Variants in KIF18B observed in about 807,000 individuals in gnomAD.
The protein encoded by KIF18B is kinesin family member 18B, also known as kinesin-like protein KIF18B.
In KIF18B, 49 loss-of-function variants were observed where a neutral mutation model predicts 80.9. The observed-to-expected ratio is 0.61, with a 90% CI of 0.48 to 0.77. The LOEUF is 0.77. Ranked by LOEUF, KIF18B falls within the 30% of genes least tolerant of loss-of-function variation. The pLI is 0.00. For synonymous variants in KIF18B, 439 were observed against 463.9 expected (o/e 0.95, Z 0.69); for missense variants, 994 against 1,127.7 (o/e 0.88, Z 1.70).
intron 1 of KIF18B, among the ~76,000 whole-genome samples, chr17:44,944,407 T>TA (rs1301250549): frequency 6.6e-6 from 1 of 151,990 alleles, no homozygotes; most frequent in Admixed American, 6.6e-5. Context: ...CATGCCCGGC[T>TA]ATTTTTTGTA....
chr17:44,936,555 ACTCTCTCTCTCTCT>A lies in KIF18B; in HGVS notation c.-14-211_-14-198del, dbSNP rs59137224. ...ATACCATCTTTGTCATACTCAAATG[ACTCTCTCTCTCTCT>A]CTCTCTCTCTCTCTCTCTCTCTCTC... On this transcript the variant is annotated intron_variant, in intron 1 of 15. Transcript: ENST00000593135. Among the ~76,000 whole-genome samples, 239 of 37,172 alleles carry A rather than the reference ACTCTCTCTCTCTCT, an allele frequency of 6.4e-3. 5 individuals carry two copies. Among genetic ancestry groups the A allele is most frequent in the Admixed American group, 0.016 (33 of 2,088 alleles). 24.4% of individuals were successfully genotyped at this position (37,172 alleles called of 152,430 possible).
At position 44,934,479 on chromosome 17, in the gene KIF18B, G is replaced by C. The variant is rs145667760; in HGVS notation, c.687+28C>G. 6.2e-7 allele frequency: 1 copy of C among 1,606,502 alleles called. No individual in the cohort carries two copies. The highest frequency in any genetic ancestry group is 1.3e-5 in the African/African-American group (1 of 74,826). On this transcript the variant is annotated intron_variant, in intron 5 of 15. Transcript: ENST00000593135. This position sits in a 1 kb window ranked among gnomAD's most constrained non-coding sequence, Gnocchi z 5.4. Reference sequence around the variant, plus strand: ...GGGGGAGATGGGCATCAGGGGCACTGGTTTCAGGCTCTGACCCATGACCTC... The same window carrying C: ...GGGGGAGATGGGCATCAGGGGCACTCGTTTCAGGCTCTGACCCATGACCTC...
intron 1 of KIF18B, among the ~76,000 whole-genome samples, chr17:44,943,392 G>A (rs979810586): frequency 1.4e-4 from 22 of 152,050 alleles, no homozygotes; most frequent in African/African-American, 4.3e-4. Context: ...GAGCCACCGC[G>A]CCTGGCCTCT....
intron 2 of KIF18B, among the ~76,000 whole-genome samples, chr17:44,935,769 C>T (rs567156042): frequency 2.0e-5 from 3 of 152,246 alleles, no homozygotes; most frequent in East Asian, 1.9e-4. Flanking sequence ...GTGTCTTCTC[C>T]CCTCTAGACT....
At position 44,926,086 on chromosome 17, in the gene KIF18B, C is replaced by A; in HGVS notation, c.2553G>T (p.Val851=). The A allele has an allele frequency of 3.1e-6, 5 of 1,613,902 alleles. No individual in the cohort carries two copies. Among genetic ancestry groups the A allele is most frequent in the Non-Finnish European group, 4.2e-6 (5 of 1,179,878 alleles). ...ALSAGNGVTK[V]S ...GGTCAGGACATTCTGGCGGTCAGGA[C>A]ACCTTGGTGACGCCGTTCCCTGCTG... is the stretch of plus-strand genomic sequence containing the variant. Residue 851 remains valine (V), a synonymous_variant, in exon 16 of 16, where the codon GTG becomes GTT. Coordinates refer to ENST00000593135, the MANE Select transcript of KIF18B (RefSeq NM_001265577.2).
In KIF18B at chr17:44,932,981, CTTCAGCTGAGATGGGG is replaced by C; in HGVS notation, c.1063-11_1067del. 1 of 1,605,138 alleles carries C rather than the reference CTTCAGCTGAGATGGGG, an allele frequency of 6.2e-7. No homozygotes were observed. The highest frequency in any genetic ancestry group is 8.5e-7 in the Non-Finnish European group (1 of 1,172,674). ...GACAGTCCAGGCTGGTCACATTGCT[CTTCAGCTGAGATGGGG>C]AACAGGAGAGAGATTTATTTGTTCA... On this transcript the variant is annotated splice_acceptor_variant and splice_polypyrimidine_tract_variant and coding_sequence_variant and intron_variant, in exon 8 of 16. Coordinates refer to ENST00000593135, the MANE Select transcript of KIF18B (RefSeq NM_001265577.2). LOFTEE classifies it high-confidence loss of function.
At position 44,935,218 on chromosome 17, in the gene KIF18B, G is replaced by T. The variant is rs761128899; in HGVS notation, c.471+41C>A. 1.9e-6 allele frequency: 3 copies of T among 1,541,166 alleles called. No individual in the cohort carries two copies. The African/African-American group carries it at 4.1e-5, about 21-fold the overall frequency. On this transcript the variant is annotated intron_variant, in intron 3 of 15. Transcript: ENST00000593135. ...CCACCCCATGGGCTCACTTCCCCCC[G>T]GGTGGTTGTGAGAACAAGGCCCAGG...
intron 14 of KIF18B, among the ~76,000 whole-genome samples, 174 bp downstream of exon 14, chr17:44,926,815 G>A (rs1177292955): frequency 2.0e-5 from 3 of 152,174 alleles, no homozygotes; most frequent in Non-Finnish European, 4.4e-5. Flanking sequence ...GATAGCAAGG[G>A]CCAAGGAAAC....
chr17:44,936,138 C>G lies in KIF18B; in HGVS notation c.207G>C (p.Thr69=), dbSNP rs371368321. The G allele has an allele frequency of 1.2e-6, 2 of 1,613,798 alleles. No homozygotes were observed. The highest frequency in any genetic ancestry group is 1.7e-6 in the Non-Finnish European group (2 of 1,179,866). Residue 69 remains threonine, a synonymous_variant, in exon 2 of 16, where the codon ACG becomes ACC. Coordinates refer to ENST00000593135, the MANE Select transcript of KIF18B (RefSeq NM_001265577.2). ...CGCCAAAGACCCGGTCAAAGACAAA[C>G]GTCAGGTCTTTGCCCTTCTTCTTGG... ...DGPKKKGKDL[T]FVFDRVFGEA...
In KIF18B at chr17:44,926,511, AAGG is replaced by A; in HGVS notation, c.2367-15_2367-13del. The A allele has an allele frequency of 6.4e-7, 1 of 1,574,292 alleles. No individual in the cohort carries two copies. The highest frequency in any genetic ancestry group is 8.6e-7 in the Non-Finnish European group (1 of 1,162,560). On this transcript the variant is annotated splice_polypyrimidine_tract_variant and intron_variant, in intron 14 of 15. Coordinates refer to ENST00000593135, the MANE Select transcript of KIF18B (RefSeq NM_001265577.2). ...GGGAGACTGAGGAACTGAGGGAGGA[AAGG>A]AGGGAAGGTGGAAGGTTACGGCCCT... is the stretch of plus-strand genomic sequence containing the variant.
At chr17:44,931,029 C>A (rs1455048381) in intron 11 of KIF18B, among the ~76,000 whole-genome samples, 1 of 152,044 alleles carries the variant, frequency 6.6e-6, no homozygotes, top group African/African-American at 2.4e-5. Context: ...AGTAACAGAG[C>A]TAAGTGGCAG....
At chr17:44,935,128 G>T in intron 3 of KIF18B, 131 bp downstream of exon 3, 1 of 1,008,288 alleles carries the variant, frequency 9.9e-7, no homozygotes, top group Non-Finnish European at 1.4e-6. Context: ...TCACTGAGCA[G>T]TATCTATCTC....
At position 44,934,580 on chromosome 17, in the gene KIF18B, CT is replaced by C; in HGVS notation, c.613del (p.Arg205GlyfsTer28). On this transcript the variant is annotated frameshift_variant, in exon 5 of 16. Transcript: ENST00000593135. LOFTEE classifies it high-confidence loss of function. This position sits in a 1 kb window ranked among gnomAD's most constrained non-coding sequence, Gnocchi z 5.4. ...GTGCTGCGTGCGGTTACGGTTCCCC[CT>C]GGTCAGTATCTCCAGCAGCTGCTCG... ...SAEQLLEILT[R>X]GNRNRTQHPT... The C allele has an allele frequency of 5.0e-6, 8 of 1,612,296 alleles. No individual in the cohort carries two copies. The highest frequency in any genetic ancestry group is 1.1e-5 in the South Asian group (1 of 90,700).
chr17:44,936,618 ATATATATTTTTTTTTTTT>A (rs2052312100), intron 1 of KIF18B, among the ~76,000 whole-genome samples: 8 of 72,752 alleles, frequency 1.1e-4, no homozygotes, highest in South Asian at 4.9e-4. Context: ...ATATATATAT[ATATATATTTTTTTTTTTT>A]TTTTTTTTTT....
Position 44,925,609 on chromosome 17 carries a change from CCT to C in KIF18B, c.*469_*470del, listed in dbSNP as rs889191861. On this transcript the variant is annotated 3_prime_UTR_variant, in exon 16 of 16. Transcript: ENST00000593135. ...CAGCCTGGCCAACATGGAAAAACCC[CCT>C]CTCTATTAAAAAGACGAAAATTAGC... The C allele has an allele frequency of 8.9e-5, 18 of 201,278 alleles. No individual in the cohort carries two copies. In the Admixed American group the frequency reaches 9.8e-4, roughly 11 times the overall value. 12.5% of individuals were successfully genotyped at this position (201,278 alleles called of 1,614,324 possible). A position where few individuals can be genotyped will look rare whatever the true frequency, so the allele number is the denominator to read the frequency against.
At chr17:44,932,843 C>G (rs924715402) in intron 8 of KIF18B, 69 bp downstream of exon 8, 11 of 1,577,818 alleles carry the variant, frequency 7.0e-6, no homozygotes, top group Non-Finnish European at 9.5e-6. Context: ...GACAGAGCCC[C>G]CGCCACACCC....
intron 1 of KIF18B, among the ~76,000 whole-genome samples, chr17:44,941,824 A>C (rs2052425971): frequency 6.6e-6 from 1 of 152,132 alleles, no homozygotes; most frequent in Non-Finnish European, 1.5e-5. Context: ...TAACATTCTA[A>C]GCAGGAAATT....
At position 44,934,794 on chromosome 17, in the gene KIF18B, A is replaced by T; in HGVS notation, c.576+37T>A. 1.4e-6 allele frequency: 2 copies of T among 1,452,924 alleles called. No homozygotes were observed. Among genetic ancestry groups the T allele is most frequent in the Non-Finnish European group, 1.9e-6 (2 of 1,062,960 alleles). 90.0% of individuals were successfully genotyped at this position (1,452,924 alleles called of 1,614,324 possible). On this transcript the variant is annotated intron_variant, in intron 4 of 15. Coordinates refer to ENST00000593135, the MANE Select transcript of KIF18B (RefSeq NM_001265577.2). The surrounding 1 kb of genome is among the most constrained non-coding windows in gnomAD (Gnocchi z 5.4). ...TTTTGTGAGGGAACCCCAAGGACCC[A>T]TGGGGCCGATCATCCTACCCGAGCC...
intron 2 of KIF18B, 148 bp downstream of exon 2, chr17:44,935,884 C>T (rs1240696453): frequency 1.4e-6 from 1 of 709,064 alleles, no homozygotes; most frequent in African/African-American, 1.8e-5. Context: ...GAGTGTCCCA[C>T]AGAGCATGAT....
Sources: allele counts gnomAD v4.1 joint callset (sites outside exome capture counted in the v4.1 genomes callset), GRCh38; gene constraint gnomAD v4.1.1; non-coding constraint Gnocchi (gnomAD v3.1); transcripts MANE v1.5; gene names NCBI Gene and HGNC (gene_info 2026-07-23, HGNC 2026-07-21).